Variants in TMEFF2 observed in about 807,000 individuals in gnomAD.
TMEFF2 encodes tomoregulin-2.
In TMEFF2, 28 loss-of-function variants were observed where a neutral mutation model predicts 53.8. The observed-to-expected ratio is 0.52, with a 90% CI of 0.39 to 0.71. TMEFF2 has a LOEUF of 0.71. Among genes scored for constraint, TMEFF2 ranks in the 30% least tolerant of loss-of-function variants. The probability of loss-of-function intolerance (pLI) is 0.00; values close to 1 mark genes in which losing one functional copy is unlikely to be tolerated. For synonymous variants in TMEFF2, 162 were observed against 166.3 expected, an observed-to-expected ratio of 0.97 and a Z score of 0.20; for missense variants, 353 against 455.2, an observed-to-expected ratio of 0.78 and a Z score of 2.04.
intron 4 of TMEFF2, among the ~76,000 whole-genome samples, chr2:192,166,016 G>T (rs1394760990): frequency 6.6e-6 from 1 of 152,116 alleles, no homozygotes; most frequent in African/African-American, 2.4e-5. Flanking sequence ...ACTGAAATGG[G>T]CTTGCCTTTT....
chr2:192,138,882 C>T (rs1344039478), intron 4 of TMEFF2, among the ~76,000 whole-genome samples: 1 of 152,124 alleles, frequency 6.6e-6, no homozygotes, highest in Non-Finnish European at 1.5e-5. Flanking sequence ...CATTGAAAAA[C>T]AATTTAAGAA....
intron 7 of TMEFF2, among the ~76,000 whole-genome samples, chr2:191,969,431 A>G (rs138154846): frequency 6.6e-6 from 1 of 152,294 alleles, no homozygotes; most frequent in East Asian, 1.9e-4. Flanking sequence ...AGTCTACTCA[A>G]TAGAAAGTAT....
At chr2:192,192,869 T>G (rs189015714) in intron 1 of TMEFF2, among the ~76,000 whole-genome samples, 10 of 152,308 alleles carry the variant, frequency 6.6e-5, no homozygotes, top group African/African-American at 2.4e-4. Flanking sequence ...AAACTTATTC[T>G]TTCAAAAACA....
intron 7 of TMEFF2, among the ~76,000 whole-genome samples, chr2:191,974,786 C>T (rs1158258193): frequency 6.6e-6 from 1 of 151,932 alleles, no homozygotes; most frequent in Non-Finnish European, 1.5e-5. Context: ...TTTAGTCTAT[C>T]TGGAGAAGAA....
intron 5 of TMEFF2, among the ~76,000 whole-genome samples, chr2:192,008,319 G>T (rs901099296): frequency 6.6e-6 from 1 of 152,176 alleles, no homozygotes; most frequent in Non-Finnish European, 1.5e-5. Flanking sequence ...TCCCTCTTCA[G>T]TGCATATGAT....
At chr2:192,017,024 G>A (rs1237533835) in intron 5 of TMEFF2, among the ~76,000 whole-genome samples, 2 of 152,204 alleles carry the variant, frequency 1.3e-5, no homozygotes, top group Admixed American at 1.3e-4. Context: ...GAGTGTCAAG[G>A]TTTCCTAGAG....
At chr2:192,193,809 A>AC (rs1691532886) in intron 1 of TMEFF2, among the ~76,000 whole-genome samples, 1 of 119,076 alleles carries the variant, frequency 8.4e-6, no homozygotes, top group Non-Finnish European at 1.8e-5. Flanking sequence ...GAGAGAGAGA[A>AC]ATTCTATTGA....
At chr2:192,016,243 A>G (rs1686741279) in intron 5 of TMEFF2, among the ~76,000 whole-genome samples, 1 of 152,214 alleles carries the variant, frequency 6.6e-6, no homozygotes, top group East Asian at 1.9e-4. Flanking sequence ...AGGGAGCTGA[A>G]TGGGATGATT....
chr2:191,954,178 C>T (rs531826248), intron 8 of TMEFF2, among the ~76,000 whole-genome samples: 217 of 152,230 alleles, frequency 1.4e-3, no homozygotes, highest in African/African-American at 4.7e-3. Flanking sequence ...TGAGCCACCG[C>T]GCCCGGCCTG....
intron 4 of TMEFF2, among the ~76,000 whole-genome samples, chr2:192,097,258 G>C (rs17353628): frequency 0.045 from 6,783 of 152,260 alleles, 208 homozygotes; most frequent in Middle Eastern, 0.088. Context: ...GCAAAGGATT[G>C]CAAGTAAAAA....
At chr2:192,153,380 C>G (rs1439425185) in intron 4 of TMEFF2, among the ~76,000 whole-genome samples, 1 of 151,764 alleles carries the variant, frequency 6.6e-6, no homozygotes, top group Non-Finnish European at 1.5e-5. Context: ...TCTTTCCTAG[C>G]ATATATACCC....
chr2:192,060,082 G>A (rs1175098038), intron 4 of TMEFF2, among the ~76,000 whole-genome samples: 1 of 149,812 alleles, frequency 6.7e-6, no homozygotes, highest in African/African-American at 2.5e-5. Flanking sequence ...AGATATCCTT[G>A]GAGATACTGA....
intron 4 of TMEFF2, among the ~76,000 whole-genome samples, chr2:192,119,005 C>A (rs528074960): frequency 6.6e-6 from 1 of 152,038 alleles, no homozygotes; most frequent in Non-Finnish European, 1.5e-5. Flanking sequence ...TATAAATATA[C>A]CTTTAATAAA....
At chr2:192,097,338 GTGTC>G (rs1193824220) in intron 4 of TMEFF2, among the ~76,000 whole-genome samples, 4 of 152,196 alleles carry the variant, frequency 2.6e-5, no homozygotes, top group Non-Finnish European at 5.9e-5. Context: ...CCTGATTCAT[GTGTC>G]TGTATCATCT....
intron 7 of TMEFF2, among the ~76,000 whole-genome samples, chr2:191,978,297 A>T (rs1350763521): frequency 6.6e-6 from 1 of 152,270 alleles, no homozygotes; most frequent in East Asian, 1.9e-4. Context: ...ATCTCAGTTT[A>T]TACATACTCT....
At chr2:192,055,118 AATG>A (rs1687871227) in intron 5 of TMEFF2, among the ~76,000 whole-genome samples, 1 of 152,230 alleles carries the variant, frequency 6.6e-6, no homozygotes, top group African/African-American at 2.4e-5. Flanking sequence ...AGCTTGAAAA[AATG>A]ATGCTGAAAT....
At chr2:192,173,415 G>T (rs1346270653) in intron 4 of TMEFF2, among the ~76,000 whole-genome samples, 1 of 151,634 alleles carries the variant, frequency 6.6e-6, no homozygotes, top group Non-Finnish European at 1.5e-5. Context: ...AAGCAGAATT[G>T]TAATAAAATC....
chr2:192,122,751 C>T (rs1689586884), intron 4 of TMEFF2, among the ~76,000 whole-genome samples: 1 of 152,010 alleles, frequency 6.6e-6, no homozygotes, highest in South Asian at 2.1e-4. Flanking sequence ...ATAAAATACC[C>T]TGTAATCAAT....
At chr2:191,983,055 G>A (rs573953283) in intron 7 of TMEFF2, among the ~76,000 whole-genome samples, 1 of 152,034 alleles carries the variant, frequency 6.6e-6, no homozygotes, top group Non-Finnish European at 1.5e-5. Flanking sequence ...GCCTCCAGTA[G>A]GATTCTACTG....
Sources: gnomAD v4.1 joint callset for allele counts (sites outside exome capture counted in the v4.1 genomes callset) on GRCh38, gnomAD v4.1.1 for gene constraint, MANE v1.5 for transcripts, NCBI Gene and HGNC (gene_info 2026-07-23, HGNC 2026-07-21) for gene names.